MPDZ: variants seen among roughly 807,000 people sequenced by gnomAD.
The protein encoded by MPDZ is multiple PDZ domain crumbs cell polarity complex component, also known as multiple PDZ domain protein.
Under a neutral mutation model 239.1 loss-of-function variants are expected in MPDZ, and 234 were observed. The observed-to-expected ratio is 0.98, with a 90% CI of 0.88 to 1.09. MPDZ has a LOEUF of 1.09. Among genes scored for constraint, MPDZ ranks in the 50% least tolerant of loss-of-function variants. MPDZ has a pLI of 0.00. For missense variants in MPDZ, 3,175 were observed against 2,510.0 expected, an observed-to-expected ratio of 1.26 and a Z score of -5.66; for synonymous variants, 1,048 against 881.3, an observed-to-expected ratio of 1.19 and a Z score of -3.35.
chr9:13,217,809 C>T lies in MPDZ; in HGVS notation c.1087-515G>A, dbSNP rs573022856. The stretch of plus-strand genomic sequence containing the variant: ...GTTTGTGTGTAACTCAGGATTAAGA[C>T]TCTACATGTCTTAATTCATTATTCC... On this transcript the variant is annotated intron_variant, in intron 8 of 46. Coordinates refer to ENST00000319217, the MANE Select transcript of MPDZ (RefSeq NM_001378778.1). Among the ~76,000 whole-genome samples the T allele has an allele frequency of 5.7e-4, 87 of 151,936 alleles. 1 individual carries two copies. The highest frequency in any genetic ancestry group is 3.4e-3 in the Middle Eastern group (1 of 294).
In MPDZ at chr9:13,150,570, G is replaced by C; in HGVS notation, c.3571C>G (p.Leu1191Val). Residue 1191 changes from leucine (L) to valine (V), a missense_variant, in exon 25 of 47, where the codon CTG becomes GTG. Physicochemically the swap from Leu to Val is conservative, Grantham distance 32 (BLOSUM62 1). Coordinates refer to ENST00000319217, the MANE Select transcript of MPDZ (RefSeq NM_001378778.1). ...VMRGIFIKHV[L>V]EDSPAGKNGT... Reference sequence around the variant, plus strand: ...TTTTTGCCAGCTGGACTATCTTCCAGAACATGTTTGATGAAAATGCCCCTC... The same window carrying C: ...TTTTTGCCAGCTGGACTATCTTCCACAACATGTTTGATGAAAATGCCCCTC... The C allele has an allele frequency of 6.4e-7, 1 of 1,567,110 alleles. No homozygotes were observed. Among genetic ancestry groups the C allele is most frequent in the Non-Finnish European group, 8.7e-7 (1 of 1,154,940 alleles).
At chr9:13,154,838 C>CA (rs1391633754) in intron 24 of MPDZ, among the ~76,000 whole-genome samples, 1 of 151,884 alleles carries the variant, frequency 6.6e-6, no homozygotes, top group African/African-American at 2.4e-5. Flanking sequence ...ATTAGATTGA[C>CA]AAAAAACTTT....
chr9:13,228,626 T>A (rs1477083417), intron 3 of MPDZ, among the ~76,000 whole-genome samples: 5 of 152,158 alleles, frequency 3.3e-5, no homozygotes, highest in Non-Finnish European at 2.9e-5. Flanking sequence ...CTTTTTACTA[T>A]GCCAACATAC....
chr9:13,134,274 G>C (rs538748588), intron 31 of MPDZ: 2 of 153,184 alleles, frequency 1.3e-5, no homozygotes, highest in African/African-American at 4.8e-5. Flanking sequence ...AGCATCAGCA[G>C]AAACACCATT....
chr9:13,262,404 C>T (rs1970891767), intron 1 of MPDZ, among the ~76,000 whole-genome samples: 1 of 152,014 alleles, frequency 6.6e-6, no homozygotes. Flanking sequence ...GACATGTAAT[C>T]GCACCACTGC....
chr9:13,217,122 G>A, intron 9 of MPDZ, 58 bp downstream of exon 9: 2 of 1,133,750 alleles, frequency 1.8e-6, no homozygotes, highest in Non-Finnish European at 2.5e-6. Context: ...TATTTTATAA[G>A]AGATAGATAT....
intron 32 of MPDZ, among the ~76,000 whole-genome samples, chr9:13,131,668 T>C (rs1403614645): frequency 6.6e-6 from 1 of 152,194 alleles, no homozygotes; most frequent in African/African-American, 2.4e-5. Flanking sequence ...ACCAGCTACA[T>C]GTCTTTATCC....
chr9:13,231,053 C>CA (rs1256916964), intron 3 of MPDZ, among the ~76,000 whole-genome samples: 5 of 151,750 alleles, frequency 3.3e-5, no homozygotes, highest in Non-Finnish European at 7.4e-5. Context: ...TAAAGAAATT[C>CA]AAAAAAGTCA....
chr9:13,158,057 A>G lies in MPDZ; in HGVS notation c.3413T>C (p.Leu1138Pro). The G allele has an allele frequency of 1.2e-6, 2 of 1,612,830 alleles. No homozygotes were observed. The highest frequency in any genetic ancestry group is 1.7e-6 in the Non-Finnish European group (2 of 1,179,208). ...REEGEGEESE[L>P]QNTAYSNWNQ... ...CCAATTGCTATATGCTGTGTTTTGA[A>G]GTTCGCTTTCTTCACCCTCTCCCTC... Residue 1138 changes from leucine (L) to proline (P), a missense_variant, in exon 24 of 47, where the codon CTT (leucine) becomes CCT (proline). Physicochemically the swap from Leu to Pro is moderately conservative, Grantham distance 98. Transcript: ENST00000319217.
intron 1 of MPDZ, among the ~76,000 whole-genome samples, chr9:13,273,958 C>G (rs937587940): frequency 1.3e-5 from 2 of 152,136 alleles, no homozygotes; most frequent in African/African-American, 4.8e-5. Context: ...AATCTCAGAT[C>G]AGATGATGCT....
chr9:13,175,863 G>A lies in MPDZ; in HGVS notation c.2944C>T (p.Leu982=), dbSNP rs1952411608. The A allele has an allele frequency of 6.3e-7, 1 of 1,593,640 alleles. No homozygotes were observed. Among genetic ancestry groups the A allele is most frequent in the Non-Finnish European group, 8.5e-7 (1 of 1,170,054 alleles). The part of the protein sequence containing the change: ...PDSAGKGSEY[L]LEQSSLACNA... ...CAGGCCAGGGAGCTCTGTTCAAGCA[G>A]GTACTCAGAGCCCTTTAAGAAAGAA... is the stretch of plus-strand genomic sequence containing the variant. The change falls in exon 21 of 47, where the codon CTG becomes TTG. Residue 982 remains leucine, a synonymous_variant. Transcript: ENST00000319217.
In MPDZ at chr9:13,158,023, G is replaced by C. The variant is rs1239198418; in HGVS notation, c.3447C>G (p.Pro1149=). The C allele has an allele frequency of 6.2e-7, 1 of 1,611,974 alleles. No homozygotes were observed. Among genetic ancestry groups the C allele is most frequent in the Non-Finnish European group, 8.5e-7 (1 of 1,178,702 alleles). The part of the protein sequence containing the change: ...QNTAYSNWNQ[P]RRVELWREPS... ...AAGACAGAAATAGTCCTTACCGCCTGGGCTGATTCCAATTGCTATATGCTG... is the reference window on the plus strand; with the variant it reads ...AAGACAGAAATAGTCCTTACCGCCTCGGCTGATTCCAATTGCTATATGCTG... The change falls in exon 24 of 47, where the codon CCC becomes CCG. Residue 1149 remains proline (P), a synonymous_variant. Coordinates refer to ENST00000319217, the MANE Select transcript of MPDZ (RefSeq NM_001378778.1).
At chr9:13,139,787 A>C (rs1325370850) in intron 28 of MPDZ, 200 bp downstream of exon 28, 14 of 620,958 alleles carry the variant, frequency 2.3e-5, no homozygotes, top group South Asian at 2.1e-4. Flanking sequence ...AGCACTTTTA[A>C]AGGAAAGGAA....
chr9:13,258,407 T>C (rs1969930772), intron 1 of MPDZ, among the ~76,000 whole-genome samples: 1 of 152,232 alleles, frequency 6.6e-6, no homozygotes. Flanking sequence ...TTTCAATGGC[T>C]TGCAGCTTGT....
intron 11 of MPDZ, among the ~76,000 whole-genome samples, 152 bp from the exon 12 acceptor site, chr9:13,205,259 C>T (rs1055930814): frequency 4.6e-5 from 7 of 152,112 alleles, no homozygotes; most frequent in African/African-American, 1.7e-4. Context: ...AAGGCAAGTT[C>T]TGTTAGTGGA....
intron 42 of MPDZ, among the ~76,000 whole-genome samples, chr9:13,112,444 G>A (rs1302683403): frequency 6.6e-6 from 1 of 152,192 alleles, no homozygotes; most frequent in African/African-American, 2.4e-5. Context: ...TGGAATCAGA[G>A]TCCTGTGTTC....
At chr9:13,193,048 T>C (rs1347522985) in intron 14 of MPDZ, 119 bp downstream of exon 14, 1 of 976,060 alleles carries the variant, frequency 1.0e-6, no homozygotes, top group Non-Finnish European at 1.4e-6. Flanking sequence ...ATCTGTAGAT[T>C]TCTCTCAAGT....
chr9:13,202,954 A>G (rs1402911649), intron 12 of MPDZ, among the ~76,000 whole-genome samples: 1 of 152,176 alleles, frequency 6.6e-6, no homozygotes, highest in East Asian at 1.9e-4. Flanking sequence ...CTAATCTGCC[A>G]TCTTGTTGAT....
At chr9:13,260,901 T>C (rs771046537) in intron 1 of MPDZ, among the ~76,000 whole-genome samples, 1 of 152,156 alleles carries the variant, frequency 6.6e-6, no homozygotes, top group African/African-American at 2.4e-5. Context: ...AGCTGACAAA[T>C]ACAGAATTCA....
Sources: gnomAD v4.1 joint callset for allele counts (sites outside exome capture counted in the v4.1 genomes callset) on GRCh38, gnomAD v4.1.1 for gene constraint, MANE v1.5 for transcripts, NCBI Gene and HGNC (gene_info 2026-07-23, HGNC 2026-07-21) for gene names.